Variants in KCNMA1 observed in about 807,000 individuals in gnomAD.
KCNMA1 encodes potassium calcium-activated channel subfamily M alpha 1, also known as Calcium-activated potassium channel subunit alpha-1.
In KCNMA1, 29 loss-of-function variants were observed where a neutral mutation model predicts 140.0. The ratio of observed to expected loss-of-function variants is 0.21; its 90% CI spans 0.15 to 0.28. The LOEUF (loss-of-function observed/expected upper bound fraction) is 0.28. Among genes scored for constraint, KCNMA1 ranks in the 10% least tolerant of loss-of-function variants. The pLI, the probability that KCNMA1 is intolerant of heterozygous loss-of-function variation, is 1.00. For synonymous variants in KCNMA1, 612 were observed against 611.9 expected (o/e 1.00, Z 0.00); for missense variants, 880 against 1,602.2 (o/e 0.55, Z 7.70).
rs1005887062 is a variant in KCNMA1 at position 76,886,561 on chromosome 10, C to G, written c.*705G>C. 4.1e-6 allele frequency: 4 copies of G among 986,098 alleles called. No homozygotes were observed. In the African/African-American group the frequency reaches 7.0e-5, roughly 17 times the overall value. The allele number at this position is 986,098 out of a possible 1,614,324, so 61.1% of individuals were successfully genotyped here. A position where few individuals can be genotyped will look rare whatever the true frequency, so the allele number is the denominator to read the frequency against. ...ACATCCATGATTGGAATACTATTCT[C>G]TCCTCCATATTAAGGTGAGAAATGT... On this transcript the variant is annotated 3_prime_UTR_variant, in exon 28 of 28. Coordinates refer to ENST00000286628, the MANE Select transcript of KCNMA1 (RefSeq NM_001161352.2).
intron 1 of KCNMA1, among the ~76,000 whole-genome samples, chr10:77,553,087 GGAGGCGGGGAGAAAGCT>G (rs1458070153): frequency 1.3e-5 from 2 of 152,166 alleles, no homozygotes; most frequent in Non-Finnish European, 2.9e-5. Flanking sequence ...GGCGGGGTGG[GGAGGCGGGGAGAAAGCT>G]GCCTCTGCAT....
At chr10:77,480,771 A>G (rs1414932359) in intron 1 of KCNMA1, among the ~76,000 whole-genome samples, 1 of 151,682 alleles carries the variant, frequency 6.6e-6, no homozygotes, top group East Asian at 1.9e-4. Context: ...CAGTAATCTC[A>G]ACTTTCATGA....
intron 3 of KCNMA1, among the ~76,000 whole-genome samples, chr10:77,213,822 C>T (rs2046876875): frequency 6.6e-6 from 1 of 152,142 alleles, no homozygotes; most frequent in East Asian, 1.9e-4. Context: ...ATCTCGGCCT[C>T]AAACACCCCA....
At chr10:77,415,323 G>A (rs1368076605) in intron 1 of KCNMA1, among the ~76,000 whole-genome samples, 14 of 152,192 alleles carry the variant, frequency 9.2e-5, no homozygotes, top group Non-Finnish European at 1.5e-5. Context: ...ACAGTCCAGA[G>A]TCCACTATCA....
intron 25 of KCNMA1, among the ~76,000 whole-genome samples, chr10:76,900,460 GT>G (rs1554885317): frequency 6.6e-6 from 1 of 151,760 alleles, no homozygotes; most frequent in Non-Finnish European, 1.5e-5. Flanking sequence ...AGAATTTGGG[GT>G]TTTTTTCCTA....
At chr10:77,569,618 A>C (rs1420365341) in intron 1 of KCNMA1, among the ~76,000 whole-genome samples, 1 of 152,160 alleles carries the variant, frequency 6.6e-6, no homozygotes, top group Non-Finnish European at 1.5e-5. Context: ...TGTTAGACCT[A>C]AAACCATAAA....
intron 19 of KCNMA1, among the ~76,000 whole-genome samples, chr10:76,990,545 C>T (rs2082437780): frequency 6.6e-6 from 1 of 152,166 alleles, no homozygotes; most frequent in Admixed American, 6.5e-5. Context: ...GCAAATTTCA[C>T]ATTCATGCCC....
At chr10:77,033,246 C>A (rs188441034) in intron 15 of KCNMA1, among the ~76,000 whole-genome samples, 2 of 152,104 alleles carry the variant, frequency 1.3e-5, no homozygotes, top group Non-Finnish European at 2.9e-5. Flanking sequence ...CGCTAGAAAT[C>A]GAAATATCCA....
At chr10:77,627,057 T>C (rs2092618415) in intron 1 of KCNMA1, among the ~76,000 whole-genome samples, 1 of 152,004 alleles carries the variant, frequency 6.6e-6, no homozygotes, top group Non-Finnish European at 1.5e-5. Context: ...TTCAGCAAAA[T>C]AGGGGAGATG....
At chr10:77,507,076 C>T (rs945483764) in intron 1 of KCNMA1, among the ~76,000 whole-genome samples, 1 of 152,156 alleles carries the variant, frequency 6.6e-6, no homozygotes, top group African/African-American at 2.4e-5. Context: ...GAGAGCAGTG[C>T]TCTGTTTCCC....
chr10:77,587,610 T>C (rs1284157656), intron 1 of KCNMA1, among the ~76,000 whole-genome samples: 1 of 152,152 alleles, frequency 6.6e-6, no homozygotes, highest in African/African-American at 2.4e-5. Flanking sequence ...GAGTGGACTT[T>C]CTGTGTCTGG....
intron 1 of KCNMA1, among the ~76,000 whole-genome samples, chr10:77,523,431 A>C (rs974572857): frequency 6.6e-6 from 1 of 152,238 alleles, no homozygotes; most frequent in African/African-American, 2.4e-5. Context: ...AGAAAGACCA[A>C]GACAGAAGCT....
chr10:77,112,290 A>G, intron 7 of KCNMA1, 77 bp downstream of exon 7: 2 of 1,031,680 alleles, frequency 1.9e-6, no homozygotes, highest in Non-Finnish European at 3.1e-6. Context: ...AGCAAGATAA[A>G]TTTTAGGTAA....
In KCNMA1 at chr10:77,186,173, T is replaced by C. The variant is rs376732145; in HGVS notation, c.603-1257A>G. Among the ~76,000 whole-genome samples the C allele has an allele frequency of 1.4e-4, 21 of 152,148 alleles. No individual in the cohort carries two copies. The East Asian group carries it at 3.1e-3, about 22-fold the overall frequency. ...CCCACTTAGAGGCAGGGTAAGTTAG[T>C]CTGTGGGAATCTCCGATCATGTTCC... On this transcript the variant is annotated intron_variant, in intron 3 of 27. Coordinates refer to ENST00000286628, the MANE Select transcript of KCNMA1 (RefSeq NM_001161352.2).
intron 1 of KCNMA1, among the ~76,000 whole-genome samples, chr10:77,426,661 G>C (rs1272005381): frequency 6.6e-6 from 1 of 152,124 alleles, no homozygotes; most frequent in Non-Finnish European, 1.5e-5. Flanking sequence ...AAATGGTAGG[G>C]GCCTCCCCTA....
At chr10:77,284,089 A>G (rs1451165330) in intron 2 of KCNMA1, among the ~76,000 whole-genome samples, 1 of 152,212 alleles carries the variant, frequency 6.6e-6, no homozygotes, top group Non-Finnish European at 1.5e-5. Context: ...GTGGTGAAAA[A>G]TTGGGCTAAA....
intron 25 of KCNMA1, among the ~76,000 whole-genome samples, chr10:76,901,077 T>G (rs1426241952): frequency 6.6e-6 from 1 of 152,100 alleles, no homozygotes; most frequent in African/African-American, 2.4e-5. Flanking sequence ...TGGAGTCTCA[T>G]AAAGTCCTAT....
chr10:76,985,813 G>A (rs781762895), intron 19 of KCNMA1, among the ~76,000 whole-genome samples: 2 of 152,226 alleles, frequency 1.3e-5, no homozygotes, highest in Non-Finnish European at 2.9e-5. Flanking sequence ...ATGCAACAGA[G>A]AAGGTTGGTG....
intron 26 of KCNMA1, among the ~76,000 whole-genome samples, chr10:76,891,195 G>T (rs979840938): frequency 6.6e-6 from 1 of 152,196 alleles, no homozygotes; most frequent in Non-Finnish European, 1.5e-5. Flanking sequence ...ACACCAAGGA[G>T]GGAGAAAGCC....
Sources: gnomAD v4.1 joint callset for allele counts (sites outside exome capture counted in the v4.1 genomes callset) on GRCh38, gnomAD v4.1.1 for gene constraint, MANE v1.5 for transcripts, NCBI Gene and HGNC (gene_info 2026-07-23, HGNC 2026-07-21) for gene names.